Variants in TENM3 observed in about 807,000 individuals in gnomAD.
TENM3 encodes teneurin-3.
A neutral mutation model predicts 255.1 loss-of-function variants in TENM3; 63 were observed. The ratio of observed to expected loss-of-function variants is 0.25; its 90% CI spans 0.20 to 0.30. TENM3 has a LOEUF of 0.30. Among genes scored for constraint, TENM3 ranks in the 10% least tolerant of loss-of-function variants. The pLI is 1.00. For synonymous variants in TENM3, 1,306 were observed against 1,322.3 expected (o/e 0.99, Z 0.27); for missense variants, 2,929 against 3,461.1 (o/e 0.85, Z 3.86).
At chr4:181,498,718 T>C in the TENM3 span, among the ~76,000 whole-genome samples, 1 of 152,182 alleles carries the variant, frequency 6.6e-6, no homozygotes, top group East Asian at 1.9e-4. Flanking sequence ...GGGCTGGAAA[T>C]AGAACTGACA....
chr4:182,486,997 T>A (rs1734809154), intron 3 of TENM3, among the ~76,000 whole-genome samples: 2 of 152,314 alleles, frequency 1.3e-5, no homozygotes, highest in African/African-American at 2.4e-5. Context: ...TTTCTCTTCC[T>A]CTATGTGAGT....
chr4:181,712,020 T>C, the TENM3 span, among the ~76,000 whole-genome samples: 1 of 152,206 alleles, frequency 6.6e-6, no homozygotes. Context: ...AAACATACAA[T>C]TATCGGTCAA....
At chr4:182,246,526 C>T (rs181121151) in intron 1 of TENM3, among the ~76,000 whole-genome samples, 77 of 152,186 alleles carry the variant, frequency 5.1e-4, no homozygotes, top group African/African-American at 1.8e-3. Context: ...AAAATAGAGC[C>T]GGAGTAGTAG....
chr4:181,482,672 A>G, the TENM3 span, among the ~76,000 whole-genome samples: 2 of 152,126 alleles, frequency 1.3e-5, no homozygotes, highest in African/African-American at 4.8e-5. Context: ...AAGAGGAAAG[A>G]TATCCTCACC....
At position 182,793,920 on chromosome 4, in the gene TENM3, A is replaced by G. The variant is rs1341961924; in HGVS notation, c.7213+35A>G. The G allele has an allele frequency of 1.3e-6, 2 of 1,535,158 alleles. No individual in the cohort carries two copies. The highest frequency in any genetic ancestry group is 4.1e-5 in the Admixed American group (2 of 48,818). On this transcript the variant is annotated intron_variant, in intron 26 of 27. Transcript: ENST00000511685. This position sits in a 1 kb window ranked among gnomAD's most constrained non-coding sequence, Gnocchi z 5.7. ...TTGATTCCTTCCCAAGAGCTGGAGGACTACCATCATTAGATTAATACACAA... is the reference window on the plus strand; with the variant it reads ...TTGATTCCTTCCCAAGAGCTGGAGGGCTACCATCATTAGATTAATACACAA...
chr4:181,988,772 C>T, the TENM3 span, among the ~76,000 whole-genome samples: 10 of 151,472 alleles, frequency 6.6e-5, no homozygotes, highest in Admixed American at 2.6e-4. Context: ...TAGTAGATAC[C>T]CAAAAAGGGG....
At chr4:182,706,343 C>A (rs1758279963) in intron 12 of TENM3, among the ~76,000 whole-genome samples, 1 of 152,138 alleles carries the variant, frequency 6.6e-6, no homozygotes, top group Non-Finnish European at 1.5e-5. Context: ...ACCTGTTACC[C>A]CACAGGGTGG....
the TENM3 span, among the ~76,000 whole-genome samples, chr4:181,927,547 C>T: frequency 6.6e-6 from 1 of 152,222 alleles, no homozygotes; most frequent in Non-Finnish European, 1.5e-5. Context: ...ATAAAACCCC[C>T]ATCTCCCTGG....
At chr4:182,563,610 A>T (rs1344721126) in intron 3 of TENM3, among the ~76,000 whole-genome samples, 1 of 152,224 alleles carries the variant, frequency 6.6e-6, no homozygotes, top group Non-Finnish European at 1.5e-5. Context: ...ATTGATCCTT[A>T]TAACAATACT....
In TENM3 at chr4:182,743,423, C is replaced by T. The variant is rs754077493; in HGVS notation, c.3629+4C>T. 1.9e-5 allele frequency: 31 copies of T among 1,610,020 alleles called. No homozygotes were observed. The highest frequency in any genetic ancestry group is 1.1e-4 in the East Asian group (5 of 44,810). On this transcript the variant is annotated splice_donor_region_variant and intron_variant, in intron 19 of 27. Transcript: ENST00000511685. ...TAACAAGTGTCTTAGAACTAAGGTA[C>T]GTCTTTCCTAAATTTGGGCTTTTAA...
chr4:182,612,815 A>G (rs1019116513), intron 4 of TENM3, among the ~76,000 whole-genome samples: 4 of 152,218 alleles, frequency 2.6e-5, no homozygotes, highest in African/African-American at 4.8e-5. Context: ...TTCTTGGCAC[A>G]TGGCAAATAG....
intron 1 of TENM3, among the ~76,000 whole-genome samples, chr4:182,255,159 A>G (rs888847697): frequency 6.6e-6 from 1 of 152,162 alleles, no homozygotes; most frequent in Non-Finnish European, 1.5e-5. Context: ...GGCAAGGATG[A>G]CAGCCCTGTG....
At chr4:182,209,277 C>G (rs1197115573) in intron 1 of TENM3, among the ~76,000 whole-genome samples, 3 of 66,112 alleles carry the variant, frequency 4.5e-5, no homozygotes, top group African/African-American at 1.7e-4. Context: ...CCAGCTGTCC[C>G]TCTTTAAAAA....
At chr4:182,741,973 C>G (rs1489587310) in intron 18 of TENM3, among the ~76,000 whole-genome samples, 1 of 152,184 alleles carries the variant, frequency 6.6e-6, no homozygotes, top group Non-Finnish European at 1.5e-5. Flanking sequence ...TGGGATTATT[C>G]TTTCAACAGT....
At chr4:181,966,737 T>C in the TENM3 span, among the ~76,000 whole-genome samples, 1 of 152,208 alleles carries the variant, frequency 6.6e-6, no homozygotes, top group South Asian at 2.1e-4. Flanking sequence ...AAAACAAGTC[T>C]GTCTTTTAAA....
chr4:182,377,241 ACT>A (rs1767234249), intron 3 of TENM3, among the ~76,000 whole-genome samples: 1 of 151,856 alleles, frequency 6.6e-6, no homozygotes, highest in Admixed American at 6.6e-5. Context: ...AACTTTTCAA[ACT>A]CTCTTTGTTC....
At chr4:181,972,436 CAAAA>C in the TENM3 span, among the ~76,000 whole-genome samples, 7 of 115,152 alleles carry the variant, frequency 6.1e-5, no homozygotes, top group African/African-American at 1.6e-4. Context: ...CCTCCTTGTC[CAAAA>C]AAAAAAAAAA....
chr4:182,667,335 C>T lies in TENM3; in HGVS notation c.1112-5670C>T, dbSNP rs574254394. On this transcript the variant is annotated intron_variant, in intron 6 of 27. Coordinates refer to ENST00000511685, the MANE Select transcript of TENM3 (RefSeq NM_001080477.4). The stretch of plus-strand genomic sequence containing the variant: ...CCTCCCAAGTAGCTGGGATTACAGG[C>T]GCCCGCCACCACACCCAGCTAATTT... Among the ~76,000 whole-genome samples, 26 of 151,948 alleles carry T rather than the reference C, an allele frequency of 1.7e-4. No individual in the cohort carries two copies. The South Asian group carries it at 1.9e-3, about 11-fold the overall frequency.
At chr4:182,589,802 A>G (rs1236899755) in intron 3 of TENM3, among the ~76,000 whole-genome samples, 1 of 151,944 alleles carries the variant, frequency 6.6e-6, no homozygotes, top group Non-Finnish European at 1.5e-5. Context: ...GTGAAACCCC[A>G]TCTCTACTAA....
Sources: allele counts gnomAD v4.1 joint callset (sites outside exome capture counted in the v4.1 genomes callset), GRCh38; gene constraint gnomAD v4.1.1; non-coding constraint Gnocchi (gnomAD v3.1); transcripts MANE v1.5; gene names NCBI Gene and HGNC (gene_info 2026-07-23, HGNC 2026-07-21).